ZFR: variants seen among roughly 807,000 people sequenced by gnomAD.
ZFR encodes the protein zinc finger RNA binding protein, also known as zinc finger RNA-binding protein.
ZFR carries 19 observed loss-of-function variants against 130.7 expected under a neutral mutation model. The ratio of observed to expected loss-of-function variants is 0.15; its 90% CI spans 0.10 to 0.21. The LOEUF (loss-of-function observed/expected upper bound fraction) is 0.21, where lower values mean the gene tolerates loss of function less well. Ranked by LOEUF, ZFR falls within the 10% of genes least tolerant of loss-of-function variation. The pLI, the probability that ZFR is intolerant of heterozygous loss-of-function variation, is 1.00. For missense variants in ZFR, 872 were observed against 1,321.5 expected (o/e 0.66, Z 5.27); for synonymous variants, 466 against 456.9 (o/e 1.02, Z -0.25).
intron 14 of ZFR, among the ~76,000 whole-genome samples, chr5:32,385,966 T>C (rs113407735): frequency 0.019 from 2,862 of 152,196 alleles, 88 homozygotes; most frequent in African/African-American, 0.066. Context: ...TTTGCATAAT[T>C]TGAATGAAGC....
At chr5:32,403,056 G>C in intron 8 of ZFR, 50 bp downstream of exon 8, 2 of 1,566,370 alleles carry the variant, frequency 1.3e-6, no homozygotes, top group Non-Finnish European at 8.7e-7. Context: ...CAATGGAGAA[G>C]AAACAACACT....
chr5:32,444,433 CAGCCCTGGCGG>C, intron 1 of ZFR, 105 bp from the exon 2 acceptor site: 1 of 1,376,922 alleles, frequency 7.3e-7, no homozygotes, highest in Admixed American at 2.4e-5. Context: ...GCCGTGAGAG[CAGCCCTGGCGG>C]GGCCCAGGCC....
chr5:32,435,748 T>C (rs1581718646), intron 2 of ZFR, among the ~76,000 whole-genome samples: 1 of 152,216 alleles, frequency 6.6e-6, no homozygotes, highest in South Asian at 2.1e-4. Context: ...TTTTATACTA[T>C]AGCTTTTCCC....
chr5:32,380,327 T>A (rs769070242), intron 15 of ZFR, 155 bp from the exon 16 acceptor site: 13 of 515,560 alleles, frequency 2.5e-5, no homozygotes, highest in African/African-American at 1.9e-4. Flanking sequence ...TAAATTTACA[T>A]AATCCAATAT....
At chr5:32,437,743 T>G (rs1754372149) in intron 2 of ZFR, among the ~76,000 whole-genome samples, 1 of 152,172 alleles carries the variant, frequency 6.6e-6, no homozygotes, top group Admixed American at 6.5e-5. Context: ...AGACATATAT[T>G]AGATATATAC....
At chr5:32,436,485 T>C (rs1754338016) in intron 2 of ZFR, among the ~76,000 whole-genome samples, 1 of 152,120 alleles carries the variant, frequency 6.6e-6, no homozygotes, top group Non-Finnish European at 1.5e-5. Context: ...TATAAATAAT[T>C]TAAAACATGT....
intron 19 of ZFR, among the ~76,000 whole-genome samples, chr5:32,361,618 CTTTT>C (rs1194868463): frequency 1.5e-5 from 2 of 134,018 alleles, no homozygotes; most frequent in South Asian, 2.4e-4. Context: ...TCAGCCTATT[CTTTT>C]TTTTTTTTTT....
chr5:32,439,750 G>C (rs1220743682), intron 2 of ZFR, among the ~76,000 whole-genome samples: 1 of 138,626 alleles, frequency 7.2e-6, no homozygotes. Flanking sequence ...AGGCTGCAGT[G>C]AGCTATGATC....
At chr5:32,388,852 G>A (rs776796008) in intron 12 of ZFR, among the ~76,000 whole-genome samples, 178 bp from the exon 13 acceptor site, 1 of 152,084 alleles carries the variant, frequency 6.6e-6, no homozygotes, top group Non-Finnish European at 1.5e-5. Context: ...AAGACTATAT[G>A]TATGTATGCA....
intron 15 of ZFR, chr5:32,380,373 T>A (rs1352976748): frequency 2.3e-6 from 1 of 433,900 alleles, no homozygotes; most frequent in African/African-American, 2.0e-5. Flanking sequence ...TTTAGTAATA[T>A]AATAAACAAT....
chr5:32,440,246 A>T (rs1754438198), intron 2 of ZFR, among the ~76,000 whole-genome samples: 1 of 152,220 alleles, frequency 6.6e-6, no homozygotes, highest in South Asian at 2.1e-4. Context: ...ACCATGTCTG[A>T]AATCTGCTTT....
At chr5:32,362,987 A>G (rs1752468937) in intron 19 of ZFR, among the ~76,000 whole-genome samples, 1 of 152,222 alleles carries the variant, frequency 6.6e-6, no homozygotes, top group Non-Finnish European at 1.5e-5. Context: ...AGAATATAAA[A>G]TGAAAGAAAT....
intron 2 of ZFR, among the ~76,000 whole-genome samples, chr5:32,433,186 C>T (rs1233476578): frequency 2.6e-5 from 4 of 152,112 alleles, no homozygotes; most frequent in Admixed American, 2.0e-4. Context: ...GGAAAGACAG[C>T]TATCACCATT....
In ZFR at chr5:32,388,548, G is replaced by C. The variant is rs777162164; in HGVS notation, c.2269C>G (p.Leu757Val). Residue 757 changes from leucine (L) to valine (V), a missense_variant, in exon 13 of 20, where the codon CTC (leucine) becomes GTC (valine). Leu to Val is a conservative substitution (Grantham distance 32). Around this residue, in one of 7 missense-constraint regions of ZFR, gnomAD observed 225 missense variants for 282.4 expected, o/e 0.80. Coordinates refer to ENST00000265069, the MANE Select transcript of ZFR (RefSeq NM_016107.5). Reference protein sequence around the residue: ...IVSITERALKLVSDSLSEHEK... With the variant: ...IVSITERALKVVSDSLSEHEK... ...TGTTCAGACAAACTGTCTGAAACGA[G>C]TTTTAAAGCACGTTCAGTAATAGAA... 2 of 1,613,988 alleles carry C rather than the reference G, an allele frequency of 1.2e-6. No individual in the cohort carries two copies. Among genetic ancestry groups the C allele is most frequent in the Non-Finnish European group, 1.7e-6 (2 of 1,179,942 alleles).
At chr5:32,419,269 A>G (rs1315756234) in intron 3 of ZFR, among the ~76,000 whole-genome samples, 3 of 152,238 alleles carry the variant, frequency 2.0e-5, no homozygotes, top group African/African-American at 7.2e-5. Flanking sequence ...TTTAACAGAC[A>G]GCTATAAATA....
chr5:32,396,004 T>C (rs1753299780), intron 10 of ZFR, among the ~76,000 whole-genome samples: 1 of 151,550 alleles, frequency 6.6e-6, no homozygotes, highest in East Asian at 2.0e-4. Flanking sequence ...GGCAGATCAC[T>C]TGAGGCCAGG....
intron 15 of ZFR, among the ~76,000 whole-genome samples, chr5:32,382,424 C>T (rs1035691630): frequency 6.6e-6 from 1 of 152,218 alleles, no homozygotes; most frequent in Non-Finnish European, 1.5e-5. Context: ...TATTTACTTA[C>T]ATTTGCTAAA....
At position 32,403,412 on chromosome 5, in the gene ZFR, C is replaced by G. The variant is rs1336692840; in HGVS notation, c.1225-15G>C. 1.2e-6 allele frequency: 2 copies of G among 1,602,036 alleles called. No individual in the cohort carries two copies. Among genetic ancestry groups the G allele is most frequent in the Non-Finnish European group, 1.7e-6 (2 of 1,171,904 alleles). On this transcript the variant is annotated splice_polypyrimidine_tract_variant and intron_variant, in intron 7 of 19. Transcript: ENST00000265069. ...AACTTAACCACCTATAAAACAAAAG[C>G]ACACTTATTTGTCAGGAAACTCAAA... is the stretch of plus-strand genomic sequence containing the variant.
intron 17 of ZFR, among the ~76,000 whole-genome samples, chr5:32,375,807 C>T (rs947495042): frequency 2.7e-5 from 4 of 150,820 alleles, no homozygotes; most frequent in African/African-American, 7.3e-5. Flanking sequence ...AGACCATGAC[C>T]GGTTGATCTT....
Sources: allele counts gnomAD v4.1 joint callset (sites outside exome capture counted in the v4.1 genomes callset), GRCh38; gene constraint gnomAD v4.1.1; regional missense constraint gnomAD v4.1.1; transcripts MANE v1.5; gene names NCBI Gene and HGNC (gene_info 2026-07-23, HGNC 2026-07-21).